The following GPATCH8 variants were observed in gnomAD, a reference collection of about 807,000 sequenced individuals.
GPATCH8 encodes G patch domain-containing protein 8.
Under a neutral mutation model 118.3 loss-of-function variants are expected in GPATCH8, and 18 were observed. The ratio of observed to expected loss-of-function variants is 0.15; its 90% CI spans 0.11 to 0.23. The LOEUF is 0.23. Among genes scored for constraint, GPATCH8 ranks in the 10% least tolerant of loss-of-function variants. GPATCH8 has a pLI of 1.00. For synonymous variants in GPATCH8, 659 were observed against 684.7 expected, an observed-to-expected ratio of 0.96 and a Z score of 0.59; for missense variants, 1,631 against 1,873.8, an observed-to-expected ratio of 0.87 and a Z score of 2.39.
intron 3 of GPATCH8, among the ~76,000 whole-genome samples, chr17:44,439,490 T>G (rs58100230): frequency 1.7e-4 from 26 of 152,342 alleles, no homozygotes; most frequent in African/African-American, 6.0e-4. Context: ...AAAGCAATCT[T>G]GAAGGTGACA....
intron 1 of GPATCH8, among the ~76,000 whole-genome samples, chr17:44,476,092 A>T (rs2144388495): frequency 6.6e-6 from 1 of 152,322 alleles, no homozygotes; most frequent in East Asian, 1.9e-4. Flanking sequence ...TTAGTCTCCT[A>T]ACAAGTGTTG....
chr17:44,449,001 C>T (rs1049211792), intron 3 of GPATCH8, among the ~76,000 whole-genome samples: 5 of 151,992 alleles, frequency 3.3e-5, no homozygotes, highest in Non-Finnish European at 7.4e-5. Context: ...CTGGGCTAGG[C>T]GTGGTGGCTC....
At position 44,400,584 on chromosome 17, in the gene GPATCH8, T is replaced by C. The variant is rs374613860; in HGVS notation, c.1493A>G (p.His498Arg). ...GDVSDQSLES[H>R]SQKVSETQMC... Reference sequence around the variant, plus strand: ...TTGGGTCTCTGAAACCTTCTGACTATGACTTTCTAAACTCTGATCACTTAC... The same window carrying C: ...TTGGGTCTCTGAAACCTTCTGACTACGACTTTCTAAACTCTGATCACTTAC... The change falls in exon 8 of 8, where the codon CAT (histidine) becomes CGT (arginine). Residue 498 changes from histidine (H) to arginine (R), a missense_variant. Around this residue, in one of 8 missense-constraint regions of GPATCH8, gnomAD observed 405 missense variants for 462.7 expected, o/e 0.88. Coordinates refer to ENST00000591680, the MANE Select transcript of GPATCH8 (RefSeq NM_001002909.4). 1.1e-5 allele frequency: 17 copies of C among 1,614,068 alleles called. No individual in the cohort carries two copies. Among genetic ancestry groups the C allele is most frequent in the Non-Finnish European group, 1.4e-5 (16 of 1,180,014 alleles).
intron 3 of GPATCH8, among the ~76,000 whole-genome samples, chr17:44,456,262 G>A (rs1431300330): frequency 1.3e-5 from 2 of 152,032 alleles, no homozygotes; most frequent in African/African-American, 4.8e-5. Context: ...GACTACAGGC[G>A]TGTGCCATCA....
rs565695959 is a variant in GPATCH8, at chr17:44,399,116, G to A, written c.2961C>T (p.Ser987=). Residue 987 remains serine (S), a synonymous_variant, in exon 8 of 8, where the codon AGC becomes AGT. Transcript: ENST00000591680. ...TTAHSWQRSR[S]YSRDRSRSTR... ...TGCTGCGGCTGCGGTCCCGGCTATAGCTCCGGCTCCGTTGCCAGCTGTGGG... is the reference window on the plus strand; with the variant it reads ...TGCTGCGGCTGCGGTCCCGGCTATAACTCCGGCTCCGTTGCCAGCTGTGGG... 6.2e-7 allele frequency: 1 copy of A among 1,611,570 alleles called. No individual in the cohort carries two copies. Among genetic ancestry groups the A allele is most frequent in the East Asian group, 2.2e-5 (1 of 44,862 alleles).
intron 1 of GPATCH8, among the ~76,000 whole-genome samples, chr17:44,498,319 T>C (rs548241963): frequency 4.8e-4 from 73 of 152,192 alleles, no homozygotes; most frequent in Non-Finnish European, 9.1e-4. Flanking sequence ...TCTTCCTGCC[T>C]CCCATGCCTA....
At chr17:44,477,631 T>C (rs991209725) in intron 1 of GPATCH8, among the ~76,000 whole-genome samples, 2 of 148,968 alleles carry the variant, frequency 1.3e-5, no homozygotes, top group African/African-American at 2.5e-5. Context: ...TGGCAAAGTC[T>C]ATCCAAATAA....
chr17:44,411,796 G>A (rs1224013317), intron 6 of GPATCH8, among the ~76,000 whole-genome samples: 7 of 152,124 alleles, frequency 4.6e-5, no homozygotes, highest in African/African-American at 1.4e-4. Flanking sequence ...AAAGAGATGC[G>A]CAGTAAATAT....
intron 3 of GPATCH8, among the ~76,000 whole-genome samples, chr17:44,439,269 T>C (rs2050612086): frequency 6.6e-6 from 1 of 152,158 alleles, no homozygotes; most frequent in African/African-American, 2.4e-5. Flanking sequence ...TTGAATTCTG[T>C]TATGAATGAA....
chr17:44,458,767 T>C (rs1190564688), intron 3 of GPATCH8, among the ~76,000 whole-genome samples: 2 of 152,124 alleles, frequency 1.3e-5, no homozygotes, highest in Admixed American at 1.3e-4. Flanking sequence ...CAAGTGATCT[T>C]CCCACCTTGG....
At chr17:44,477,231 C>T (rs531192072) in intron 1 of GPATCH8, among the ~76,000 whole-genome samples, 3 of 152,224 alleles carry the variant, frequency 2.0e-5, no homozygotes, top group South Asian at 4.1e-4. Flanking sequence ...CTGTGAAGTC[C>T]TTGAGGACAA....
rs144757561 is a variant in GPATCH8, at chr17:44,436,628, G to A, written c.194-83C>T. 2.1e-4 allele frequency: 168 copies of A among 791,036 alleles called. No individual in the cohort carries two copies. The African/African-American group carries it at 2.6e-3, about 12-fold the overall frequency. The allele number at this position is 791,036 out of a possible 1,614,324, so 49.0% of individuals were successfully genotyped here. A position where few individuals can be genotyped will look rare whatever the true frequency, so the allele number is the denominator to read the frequency against. On this transcript the variant is annotated intron_variant, in intron 3 of 7. Transcript: ENST00000591680. Reference sequence around the variant, plus strand: ...ACACATTGGGTTTTGGGTGGTTAGAGATCTTGCCTTGGAGTGCAGAGACCA... The same window carrying A: ...ACACATTGGGTTTTGGGTGGTTAGAAATCTTGCCTTGGAGTGCAGAGACCA...
At chr17:44,469,883 A>G (rs977208061) in intron 2 of GPATCH8, among the ~76,000 whole-genome samples, 1 of 152,222 alleles carries the variant, frequency 6.6e-6, no homozygotes, top group East Asian at 1.9e-4. Context: ...GCAGTCTTAT[A>G]AAGAATTACA....
intron 1 of GPATCH8, among the ~76,000 whole-genome samples, chr17:44,482,977 C>A (rs1168021068): frequency 2.0e-5 from 3 of 147,364 alleles, no homozygotes; most frequent in Admixed American, 1.4e-4. Context: ...TAACACGGTG[C>A]AACCCCGTCT....
rs142258791 is a variant in GPATCH8, at chr17:44,432,893, C to T, written c.348+2172G>A. Reference sequence around the variant, plus strand: ...TCTTGCTCTTGCCCAGGCTGGAGTGCAGTGGTGTGATCATAGGTCACTGCT... The same window carrying T: ...TCTTGCTCTTGCCCAGGCTGGAGTGTAGTGGTGTGATCATAGGTCACTGCT... On this transcript the variant is annotated intron_variant, in intron 5 of 7. Coordinates refer to ENST00000591680, the MANE Select transcript of GPATCH8 (RefSeq NM_001002909.4). Among the ~76,000 whole-genome samples the T allele has an allele frequency of 9.2e-5, 14 of 152,222 alleles. No homozygotes were observed. The East Asian group carries it at 2.3e-3, about 25-fold the overall frequency.
Position 44,435,937 on chromosome 17 carries a change from G to A in GPATCH8, c.261+541C>T, listed in dbSNP as rs1469583217. On this transcript the variant is annotated intron_variant, in intron 4 of 7. Transcript: ENST00000591680. Reference sequence around the variant, plus strand: ...CTTAGAAGGCTGAGACAGGAGACAGGAGAATCCCTTGAACCCGGGAGACGG... The same window carrying A: ...CTTAGAAGGCTGAGACAGGAGACAGAAGAATCCCTTGAACCCGGGAGACGG... Among the ~76,000 whole-genome samples, 5 of 145,222 alleles carry A rather than the reference G, an allele frequency of 3.4e-5. No homozygotes were observed. In the East Asian group the frequency reaches 1.0e-3, roughly 30 times the overall value.
rs1555624871 is a variant in GPATCH8 at position 44,414,079 on chromosome 17, A to ATG, written c.493-8030_493-8029dup. Among the ~76,000 whole-genome samples the ATG allele has an allele frequency of 1.6e-3, 214 of 129,876 alleles. 1 individual carries two copies. The highest frequency in any genetic ancestry group is 4.9e-3 in the African/African-American group (163 of 33,272). 85.2% of individuals were successfully genotyped at this position (129,876 alleles called of 152,430 possible). On this transcript the variant is annotated intron_variant, in intron 6 of 7. Coordinates refer to ENST00000591680, the MANE Select transcript of GPATCH8 (RefSeq NM_001002909.4). Reference sequence around the variant, plus strand: ...AAGGCATATATATATATATATATATATGTGTGTGTATATATATATATGTGT... The same window carrying ATG: ...AAGGCATATATATATATATATATATATGTGTGTGTGTATATATATATATGTGT...
chr17:44,501,734 G>C (rs541156748), intron 1 of GPATCH8, among the ~76,000 whole-genome samples: 22 of 152,278 alleles, frequency 1.4e-4, no homozygotes, highest in African/African-American at 5.3e-4. Flanking sequence ...GTGGTTGACA[G>C]TCATCTTCCC....
At position 44,398,755 on chromosome 17, in the gene GPATCH8, C is replaced by T. The variant is rs1277533899; in HGVS notation, c.3322G>A (p.Val1108Met). 2 of 1,613,608 alleles carry T rather than the reference C, an allele frequency of 1.2e-6. No homozygotes were observed. Among genetic ancestry groups the T allele is most frequent in the Admixed American group, 1.7e-5 (1 of 59,990 alleles). The change falls in exon 8 of 8, where the codon GTG becomes ATG. Residue 1108 changes from valine (V) to methionine (M), a missense_variant. Val to Met is a conservative substitution (Grantham distance 21). Transcript: ENST00000591680. Reference protein sequence around the residue: ...QSRKVERKPSVSEEVQATPNK... With the variant: ...QSRKVERKPSMSEEVQATPNK... ...GGGGTGGCCTGCACCTCCTCACTCACACTAGGTTTCCTCTCCACTTTCCTT... is the reference window on the plus strand; with the variant it reads ...GGGGTGGCCTGCACCTCCTCACTCATACTAGGTTTCCTCTCCACTTTCCTT...
Sources: gnomAD v4.1 joint callset for allele counts (sites outside exome capture counted in the v4.1 genomes callset) on GRCh38, gnomAD v4.1.1 for gene constraint, gnomAD v4.1.1 regional missense constraint, MANE v1.5 for transcripts, NCBI Gene and HGNC (gene_info 2026-07-23, HGNC 2026-07-21) for gene names.